Variants in RNF10 observed in about 807,000 individuals in gnomAD.
RNF10 encodes the protein ring finger protein 10, also known as E3 ubiquitin-protein ligase RNF10.
Under a neutral mutation model 91.4 loss-of-function variants are expected in RNF10, and 38 were observed. That is an observed-to-expected ratio of 0.42 (90% CI 0.32 to 0.54). The LOEUF is 0.54. RNF10 is among the 20% of genes least tolerant of loss of function. RNF10 has a pLI of 0.16. For synonymous variants in RNF10, 364 were observed against 366.3 expected (o/e 0.99, Z 0.07); for missense variants, 945 against 1,012.0 (o/e 0.93, Z 0.90).
At chr12:120,568,242 C>CAA (rs938071852) in intron 13 of RNF10, among the ~76,000 whole-genome samples, 1 of 131,634 alleles carries the variant, frequency 7.6e-6, no homozygotes, top group Middle Eastern at 3.8e-3. Context: ...CAGACCCTCT[C>CAA]AAAAAAAAAA....
chr12:120,546,322 A>AT lies in RNF10; in HGVS notation c.158-77dup, dbSNP rs1593060047. 8.3e-6 allele frequency: 11 copies of AT among 1,327,116 alleles called. No individual in the cohort carries two copies. In the East Asian group the frequency reaches 2.3e-4, roughly 28 times the overall value. The allele number at this position is 1,327,116 out of a possible 1,614,324, so 82.2% of individuals were successfully genotyped here. A position where few individuals can be genotyped will look rare whatever the true frequency, so the allele number is the denominator to read the frequency against. On this transcript the variant is annotated intron_variant, in intron 1 of 16. Coordinates refer to ENST00000325954, the MANE Select transcript of RNF10 (RefSeq NM_014868.5). The stretch of plus-strand genomic sequence containing the variant: ...GTGGTCAAAGGGCCTATTCACCCTT[A>AT]TTTTTTGCTGGGAGGTGGAGGGCAG...
chr12:120,563,194 T>C, intron 8 of RNF10, 124 bp downstream of exon 8: 1 of 1,494,926 alleles, frequency 6.7e-7, no homozygotes, highest in South Asian at 1.2e-5. Context: ...TTCTGTATGC[T>C]TGTTATTAGT....
rs917932520 is a variant in RNF10 at position 120,560,879 on chromosome 12, A to G, written c.1121A>G (p.Glu374Gly). 4.3e-6 allele frequency: 7 copies of G among 1,613,802 alleles called. No individual in the cohort carries two copies. The highest frequency in any genetic ancestry group is 1.7e-5 in the Admixed American group (1 of 59,946). The change falls in exon 7 of 17, where the codon GAG becomes GGG. Residue 374 changes from glutamate (E) to glycine (G), a missense_variant. Physicochemically the swap from Glu to Gly is moderately conservative, Grantham distance 98 (BLOSUM62 -2). Coordinates refer to ENST00000325954, the MANE Select transcript of RNF10 (RefSeq NM_014868.5). The part of the protein sequence containing the change: ...ESCFIEAAIQ[E>G]LKTREEALSG... Reference sequence around the variant, plus strand: ...TGCTTTATTGAGGCAGCTATCCAGGAGCTCAAGGTGAGAGGATGCATTGGA... The same window carrying G: ...TGCTTTATTGAGGCAGCTATCCAGGGGCTCAAGGTGAGAGGATGCATTGGA...
intron 7 of RNF10, among the ~76,000 whole-genome samples, chr12:120,562,576 A>ATGGTG (rs1875043898): frequency 6.6e-6 from 1 of 152,028 alleles, no homozygotes; most frequent in African/African-American, 2.4e-5. Context: ...ACCTGGCCGT[A>ATGGTG]TGTGTCTTTA....
In RNF10 at chr12:120,577,436, G is replaced by C. The variant is rs1446829443; in HGVS notation, c.*770G>C. Reference sequence around the variant, plus strand: ...GAGAGCAGGGCCATCTGAAGCGGTAGCATTGCCACCATCTCCCTCTCATCT... The same window carrying C: ...GAGAGCAGGGCCATCTGAAGCGGTACCATTGCCACCATCTCCCTCTCATCT... On this transcript the variant is annotated 3_prime_UTR_variant, in exon 17 of 17. Coordinates refer to ENST00000325954, the MANE Select transcript of RNF10 (RefSeq NM_014868.5). 1 of 286,692 alleles carries C rather than the reference G, an allele frequency of 3.5e-6. No homozygotes were observed. Among genetic ancestry groups the C allele is most frequent in the Non-Finnish European group, 6.8e-6 (1 of 146,262 alleles). 17.8% of individuals were successfully genotyped at this position (286,692 alleles called of 1,614,324 possible).
At chr12:120,550,194 A>C (rs906995216) in intron 2 of RNF10, among the ~76,000 whole-genome samples, 2 of 152,174 alleles carry the variant, frequency 1.3e-5, no homozygotes, top group African/African-American at 4.8e-5. Context: ...TAGTAGCTAC[A>C]TGTAGCTACT....
chr12:120,549,425 A>T (rs1872730280), intron 2 of RNF10, among the ~76,000 whole-genome samples: 1 of 151,974 alleles, frequency 6.6e-6, no homozygotes, highest in African/African-American at 2.4e-5. Flanking sequence ...GCTGATGTGG[A>T]ATAGGAAAAG....
At chr12:120,569,194 CCTGACCTCAGGTGATCCGCCAG>C (rs1258195703) in intron 13 of RNF10, among the ~76,000 whole-genome samples, 1 of 152,090 alleles carries the variant, frequency 6.6e-6, no homozygotes, top group Non-Finnish European at 1.5e-5. Flanking sequence ...GTCTCAAACT[CCTGACCTCAGGTGATCCGCCAG>C]CTGACCTCAG....
chr12:120,551,855 G>A (rs1015249164), intron 2 of RNF10, among the ~76,000 whole-genome samples: 1 of 151,992 alleles, frequency 6.6e-6, no homozygotes, highest in African/African-American at 2.4e-5. Context: ...AGAACTACCT[G>A]AGACTGGGTA....
Position 120,576,886 on chromosome 12 carries a change from AGATCT to A in RNF10, c.*221_*225del. On this transcript the variant is annotated 3_prime_UTR_variant, in exon 17 of 17. Transcript: ENST00000325954. ...CACCAAAATAAAGTATTGACACAAG[AGATCT>A]CTTCCTGCCAAGGTTTTTAGTTCAT... 1.9e-6 allele frequency: 1 copy of A among 531,634 alleles called. No individual in the cohort carries two copies. The highest frequency in any genetic ancestry group is 3.2e-6 in the Non-Finnish European group (1 of 307,870). 32.9% of individuals were successfully genotyped at this position (531,634 alleles called of 1,614,324 possible).
At chr12:120,557,177 A>C (rs1043301168) in intron 4 of RNF10, 105 bp from the exon 5 acceptor site, 26 of 931,824 alleles carry the variant, frequency 2.8e-5, no homozygotes, top group Non-Finnish European at 3.9e-5. Flanking sequence ...ATGTACGGGG[A>C]TAGAGATGAG....
chr12:120,538,731 C>G lies in RNF10; in HGVS notation c.157+3763C>G, dbSNP rs192669805. Among the ~76,000 whole-genome samples the G allele has an allele frequency of 6.6e-5, 10 of 152,220 alleles. No individual in the cohort carries two copies. In the East Asian group the frequency reaches 1.9e-3, roughly 29 times the overall value. On this transcript the variant is annotated intron_variant, in intron 1 of 16. Transcript: ENST00000325954. ...CAGGAACCAGGCTCTTGTCCCATCCCCCTGGGCCGATAGAACTGCCAGGGA... is the reference window on the plus strand; with the variant it reads ...CAGGAACCAGGCTCTTGTCCCATCCGCCTGGGCCGATAGAACTGCCAGGGA...
At chr12:120,548,242 G>A (rs183455415) in intron 2 of RNF10, among the ~76,000 whole-genome samples, 2 of 152,296 alleles carry the variant, frequency 1.3e-5, no homozygotes, top group Admixed American at 1.3e-4. Context: ...CTGTGAATCA[G>A]CAGTCAAGGA....
intron 1 of RNF10, among the ~76,000 whole-genome samples, chr12:120,543,150 A>G (rs1463245995): frequency 6.6e-6 from 1 of 152,200 alleles, no homozygotes; most frequent in Non-Finnish European, 1.5e-5. Flanking sequence ...AGCCTGCTAT[A>G]AAAAGCTGGT....
intron 3 of RNF10, among the ~76,000 whole-genome samples, chr12:120,554,197 G>T (rs2137185669): frequency 6.6e-6 from 1 of 152,212 alleles, no homozygotes; most frequent in South Asian, 2.1e-4. Context: ...GAGCCACCAT[G>T]CCTGGCCTAA....
intron 13 of RNF10, among the ~76,000 whole-genome samples, chr12:120,569,653 C>G (rs894247856): frequency 6.7e-6 from 1 of 150,176 alleles, no homozygotes; most frequent in Non-Finnish European, 1.5e-5. Flanking sequence ...ATTCTTGTGC[C>G]TCAGCCTCCC....
In RNF10 at chr12:120,552,711, A is replaced by G. The variant is rs761017754; in HGVS notation, c.554+13A>G. ...TTTTACAGGCCAAGTGAGTATTGCT[A>G]CCCCTCAGAGGAAAGGGAAAGTAGG... On this transcript the variant is annotated intron_variant, in intron 3 of 16. Coordinates refer to ENST00000325954, the MANE Select transcript of RNF10 (RefSeq NM_014868.5). The G allele has an allele frequency of 6.8e-6, 11 of 1,611,426 alleles. No individual in the cohort carries two copies. Among genetic ancestry groups the G allele is most frequent in the Middle Eastern group, 1.8e-4 (1 of 5,560 alleles).
chr12:120,571,170 A>G lies in RNF10; in HGVS notation c.2042-21A>G, dbSNP rs768131174. 1.9e-6 allele frequency: 3 copies of G among 1,545,882 alleles called. No homozygotes were observed. In the East Asian group the frequency reaches 6.7e-5, roughly 35 times the overall value. On this transcript the variant is annotated intron_variant, in intron 13 of 16. Transcript: ENST00000325954. ...CCCTTGGAACGTGACGAATATAATC[A>G]GGTCTCTGGTTCCCTTTCAGACTTT...
At position 120,576,781 on chromosome 12, in the gene RNF10, TG is replaced by T. The variant is rs1877453717; in HGVS notation, c.*121del. ...TATTTGAGTTTGAACAGATTAGCTCTGGGGGGAGGGGGTTTCCACAATGTGA... is the reference window on the plus strand; with the variant it reads ...TATTTGAGTTTGAACAGATTAGCTCTGGGGGAGGGGGTTTCCACAATGTGA... On this transcript the variant is annotated 3_prime_UTR_variant, in exon 17 of 17. Transcript: ENST00000325954. 7.0e-7 allele frequency: 1 copy of T among 1,419,348 alleles called. No homozygotes were observed. Among genetic ancestry groups the T allele is most frequent in the Admixed American group, 2.3e-5 (1 of 43,944 alleles). The allele number at this position is 1,419,348 out of a possible 1,614,324, so 87.9% of individuals were successfully genotyped here.
Sources: allele counts gnomAD v4.1 joint callset (sites outside exome capture counted in the v4.1 genomes callset), GRCh38; gene constraint gnomAD v4.1.1; transcripts MANE v1.5; gene names NCBI Gene and HGNC (gene_info 2026-07-23, HGNC 2026-07-21).